The following DENND1A variants were observed in gnomAD, a reference collection of about 807,000 sequenced individuals.
DENND1A encodes DENN domain-containing protein 1A.
A neutral mutation model predicts 113.7 loss-of-function variants in DENND1A; 51 were observed. The ratio of observed to expected loss-of-function variants is 0.45; its 90% CI spans 0.36 to 0.57. The LOEUF (loss-of-function observed/expected upper bound fraction) is 0.57. DENND1A is among the 20% of genes least tolerant of loss of function. DENND1A has a pLI of 0.00. For missense variants in DENND1A, 1,258 were observed against 1,395.9 expected (o/e 0.90, Z 1.57); for synonymous variants, 565 against 570.8 (o/e 0.99, Z 0.14).
At chr9:123,695,881 C>T (rs2065480917) in intron 5 of DENND1A, among the ~76,000 whole-genome samples, 1 of 150,580 alleles carries the variant, frequency 6.6e-6, no homozygotes, top group Non-Finnish European at 1.5e-5. Flanking sequence ...TATAGAAGGA[C>T]AGTTGAATAA....
chr9:123,750,797 G>A (rs757935867), intron 5 of DENND1A, among the ~76,000 whole-genome samples: 46 of 152,184 alleles, frequency 3.0e-4, no homozygotes, highest in African/African-American at 7.2e-4. Flanking sequence ...GAGGGGCCCC[G>A]GCTTTGATGC....
chr9:123,471,739 G>A (rs73575572), intron 13 of DENND1A, among the ~76,000 whole-genome samples: 2,517 of 152,206 alleles, frequency 0.017, 36 homozygotes, highest in African/African-American at 0.036. Flanking sequence ...AACCATAGTC[G>A]CACTTGAAGT....
chr9:123,541,814 C>T (rs2056309502), intron 13 of DENND1A, among the ~76,000 whole-genome samples: 1 of 152,272 alleles, frequency 6.6e-6, no homozygotes, highest in Middle Eastern at 3.4e-3. Context: ...ATTCTGAAAA[C>T]AATTTTACGA....
chr9:123,833,119 T>A (rs1300648167), intron 2 of DENND1A, among the ~76,000 whole-genome samples: 6 of 63,326 alleles, frequency 9.5e-5, no homozygotes, highest in Admixed American at 5.1e-4. Flanking sequence ...TGAGACCTCA[T>A]CTCAAAAAAA....
intron 13 of DENND1A, among the ~76,000 whole-genome samples, chr9:123,514,169 G>T (rs1418930933): frequency 2.0e-5 from 3 of 151,538 alleles, no homozygotes; most frequent in Non-Finnish European, 4.4e-5. Context: ...GGTGACTAAG[G>T]TATCTGTTTG....
chr9:123,914,551 A>G (rs1177454970), intron 1 of DENND1A, among the ~76,000 whole-genome samples: 1 of 151,314 alleles, frequency 6.6e-6, no homozygotes, highest in East Asian at 1.9e-4. Context: ...TCTCAAAAAA[A>G]AAAAAAAAAA....
chr9:123,882,402 C>T (rs1365539712), intron 1 of DENND1A, among the ~76,000 whole-genome samples: 1 of 152,006 alleles, frequency 6.6e-6, no homozygotes, highest in African/African-American at 2.4e-5. Context: ...TCCCTCAAAC[C>T]TGCATCTCCT....
rs547782978 is a variant in DENND1A at position 123,738,931 on chromosome 9, T to C, written c.302+18772A>G. ...TTTGATGTGGCTATTACTCAAACGA[T>C]GGAACCTGCAACATTTTGCAATAAC... is the stretch of plus-strand genomic sequence containing the variant. On this transcript the variant is annotated intron_variant, in intron 5 of 23. Coordinates refer to ENST00000394215, the MANE Select transcript of DENND1A (RefSeq NM_001352964.2). 1.3e-4 allele frequency among the ~76,000 whole-genome samples: 20 copies of C among 152,326 alleles called. No individual in the cohort carries two copies. The South Asian group carries it at 3.7e-3, about 28-fold the overall frequency.
chr9:123,422,411 G>A lies in DENND1A; in HGVS notation c.1489-10582C>T, dbSNP rs2045378816. On this transcript the variant is annotated intron_variant, in intron 19 of 23. Transcript: ENST00000394215. This position sits in a 1 kb window ranked among gnomAD's most constrained non-coding sequence, Gnocchi z 4.8. ...AAGCAATAGACTTTTTGAGTGGAAT[G>A]CAAACGTGGAAGCAATGGGAAGCTT... Among the ~76,000 whole-genome samples the A allele has an allele frequency of 3.3e-5, 5 of 152,182 alleles. No homozygotes were observed. In the South Asian group the frequency reaches 8.3e-4, roughly 25 times the overall value.
chr9:123,587,824 C>G (rs2059254670), intron 11 of DENND1A, among the ~76,000 whole-genome samples: 1 of 152,168 alleles, frequency 6.6e-6, no homozygotes, highest in African/African-American at 2.4e-5. Flanking sequence ...TTCAGGGGGT[C>G]TCCCTAAACA....
intron 12 of DENND1A, among the ~76,000 whole-genome samples, chr9:123,565,544 T>C (rs1237075486): frequency 6.6e-6 from 1 of 152,168 alleles, no homozygotes; most frequent in Non-Finnish European, 1.5e-5. Flanking sequence ...AGAGTCACAT[T>C]TTCCTCCCCC....
chr9:123,775,031 C>T (rs1830264637), intron 3 of DENND1A, among the ~76,000 whole-genome samples: 1 of 152,124 alleles, frequency 6.6e-6, no homozygotes, highest in South Asian at 2.1e-4. Flanking sequence ...CCTTTTGCAT[C>T]CTCCTCTTTC....
intron 13 of DENND1A, among the ~76,000 whole-genome samples, chr9:123,511,560 A>G (rs969452183): frequency 6.6e-5 from 10 of 152,270 alleles, no homozygotes; most frequent in African/African-American, 1.7e-4. Flanking sequence ...TTAGCAATCA[A>G]CTGACCACCA....
intron 2 of DENND1A, among the ~76,000 whole-genome samples, chr9:123,863,193 G>A (rs367963821): frequency 3.0e-4 from 45 of 152,102 alleles, no homozygotes; most frequent in African/African-American, 9.9e-4. Context: ...TTTGAATTAC[G>A]AAATGTATGA....
chr9:123,454,968 C>A (rs1395638675), intron 15 of DENND1A, among the ~76,000 whole-genome samples, 189 bp from the exon 16 acceptor site: 5 of 151,670 alleles, frequency 3.3e-5, no homozygotes, highest in African/African-American at 1.2e-4. Flanking sequence ...ATTACAGGTG[C>A]CCGCCACCAC....
At chr9:123,643,208 A>G (rs2062121954) in intron 9 of DENND1A, among the ~76,000 whole-genome samples, 1 of 152,164 alleles carries the variant, frequency 6.6e-6, no homozygotes, top group Non-Finnish European at 1.5e-5. Context: ...CCTGGGGACT[A>G]ATTTTTGTTG....
intron 5 of DENND1A, among the ~76,000 whole-genome samples, chr9:123,716,232 C>G (rs768242512): frequency 1.5e-4 from 23 of 152,218 alleles, no homozygotes; most frequent in Non-Finnish European, 3.2e-4. Context: ...AGCATCTTCA[C>G]AGATCTCTAC....
At chr9:123,702,448 C>T (rs1344083566) in intron 5 of DENND1A, among the ~76,000 whole-genome samples, 1 of 151,994 alleles carries the variant, frequency 6.6e-6, no homozygotes, top group Non-Finnish European at 1.5e-5. Flanking sequence ...TATCCAGGTA[C>T]AGAAAGGTCA....
intron 5 of DENND1A, among the ~76,000 whole-genome samples, chr9:123,723,260 T>C (rs2067467482): frequency 6.6e-6 from 1 of 152,248 alleles, no homozygotes; most frequent in Non-Finnish European, 1.5e-5. Flanking sequence ...GTACCCCCAG[T>C]GTATCCAGGA....
Sources: gnomAD v4.1 joint callset for allele counts (sites outside exome capture counted in the v4.1 genomes callset) on GRCh38, gnomAD v4.1.1 for gene constraint, Gnocchi (gnomAD v3.1) non-coding constraint, MANE v1.5 for transcripts, NCBI Gene and HGNC (gene_info 2026-07-23, HGNC 2026-07-21) for gene names.